CCND3: variants seen among roughly 807,000 people sequenced by gnomAD.
CCND3 encodes the protein cyclin D3, also known as G1/S-specific cyclin-D3.
A neutral mutation model predicts 28.7 loss-of-function variants in CCND3; 9 were observed. The ratio of observed to expected loss-of-function variants is 0.31; its 90% CI spans 0.19 to 0.55. The LOEUF is 0.55. Among genes scored for constraint, CCND3 ranks in the 20% least tolerant of loss-of-function variants. The pLI, the probability that CCND3 is intolerant of heterozygous loss-of-function variation, is 0.93. For missense variants in CCND3, 315 were observed against 385.8 expected, an observed-to-expected ratio of 0.82 and a Z score of 1.54; for synonymous variants, 164 against 163.9, an observed-to-expected ratio of 1.00 and a Z score of 0.00.
chr6:42,007,142 T>C (rs1325693664), intron 1 of CCND3, among the ~76,000 whole-genome samples: 2 of 152,194 alleles, frequency 1.3e-5, no homozygotes, highest in Non-Finnish European at 2.9e-5. Flanking sequence ...TTATATTCTT[T>C]TGTGTATATA....
chr6:42,033,374 C>T (rs1309875973), intron 1 of CCND3, among the ~76,000 whole-genome samples: 2 of 151,524 alleles, frequency 1.3e-5, no homozygotes, highest in Non-Finnish European at 2.9e-5. Flanking sequence ...CACTTGAACC[C>T]GGGAGGCAGA....
intron 1 of CCND3, among the ~76,000 whole-genome samples, chr6:41,947,215 C>T (rs1357621174): frequency 3.3e-5 from 5 of 149,760 alleles, no homozygotes; most frequent in East Asian, 1.9e-4. Context: ...AGCAAGACTC[C>T]GTCTCAAAAA....
At chr6:42,012,116 C>T (rs1763360014) in intron 1 of CCND3, among the ~76,000 whole-genome samples, 1 of 152,216 alleles carries the variant, frequency 6.6e-6, no homozygotes, top group Non-Finnish European at 1.5e-5. Flanking sequence ...GGAATCATTT[C>T]AGGTTAAACA....
intron 1 of CCND3, among the ~76,000 whole-genome samples, chr6:41,986,002 G>A (rs1432086044): frequency 2.0e-5 from 3 of 151,978 alleles, no homozygotes; most frequent in Middle Eastern, 3.2e-3. Context: ...ATGTGGATAT[G>A]CAGTTTTCCC....
chr6:41,979,038 G>C (rs946232914), intron 1 of CCND3, among the ~76,000 whole-genome samples: 1 of 151,862 alleles, frequency 6.6e-6, no homozygotes, highest in Non-Finnish European at 1.5e-5. Context: ...GGGTGTGGTA[G>C]TGCATGCCTG....
intron 1 of CCND3, among the ~76,000 whole-genome samples, chr6:41,995,283 A>C (rs1411383907): frequency 1.3e-5 from 2 of 151,838 alleles, no homozygotes; most frequent in South Asian, 4.2e-4. Context: ...GGTGGGGTGC[A>C]GTCTTGCTCT....
intron 1 of CCND3, among the ~76,000 whole-genome samples, chr6:41,948,480 C>T (rs934922155): frequency 2.0e-5 from 3 of 151,970 alleles, no homozygotes; most frequent in African/African-American, 7.3e-5. Context: ...GGACTATAGG[C>T]GTGCACTACC....
upstream of CCND3, chr6:41,941,941 T>G: frequency 5.7e-6 from 1 of 175,264 alleles, no homozygotes; most frequent in Non-Finnish European, 1.2e-5. The surrounding 1 kb of genome is among the most constrained non-coding windows in gnomAD (Gnocchi z 6.1). Context: ...CGCGGCCCCA[T>G]TGGGCCGCTG....
At chr6:42,008,283 T>C (rs900685314) in intron 1 of CCND3, among the ~76,000 whole-genome samples, 7 of 151,848 alleles carry the variant, frequency 4.6e-5, no homozygotes, top group African/African-American at 1.5e-4. Flanking sequence ...GAGGCTGAGG[T>C]AAGAGAATCA....
chr6:41,942,713 G>C (rs1776069973), upstream of CCND3, among the ~76,000 whole-genome samples: 1 of 152,006 alleles, frequency 6.6e-6, no homozygotes, highest in Non-Finnish European at 1.5e-5. Context: ...TGGTTACTTT[G>C]TAGTTTTACC....
intron 1 of CCND3, among the ~76,000 whole-genome samples, chr6:42,029,837 CAAAA>C (rs34732029): frequency 8.5e-6 from 1 of 118,204 alleles, no homozygotes; most frequent in Non-Finnish European, 1.7e-5. Flanking sequence ...AACTCTGTCT[CAAAA>C]AAAAAAAAAA....
At position 42,048,823 on chromosome 6, in the gene CCND3, C is replaced by A. The variant is rs528409228; in HGVS notation, c.-368G>T. ...CTGACTCTCCCACCCCCTGTACACC[C>A]TCGGCGAGGCCAGGAGGCTCATCCG... On this transcript the variant is annotated 5_prime_UTR_variant, in exon 1 of 5. Transcript: ENST00000372988. This position sits in a 1 kb window ranked among gnomAD's most constrained non-coding sequence, Gnocchi z 4.7. The A allele has an allele frequency of 3.3e-4, 122 of 369,654 alleles. No homozygotes were observed. Among genetic ancestry groups the A allele is most frequent in the African/African-American group, 2.7e-3 (120 of 45,108 alleles). The allele number at this position is 369,654 out of a possible 1,614,324, so 22.9% of individuals were successfully genotyped here.
chr6:42,041,057 A>T (rs1764358687), intron 1 of CCND3, among the ~76,000 whole-genome samples: 1 of 152,204 alleles, frequency 6.6e-6, no homozygotes, highest in Non-Finnish European at 1.5e-5. Flanking sequence ...TATCACCAAC[A>T]TCTTGAGTGC....
At chr6:41,985,106 C>T (rs1561973081) in intron 1 of CCND3, among the ~76,000 whole-genome samples, 2 of 152,032 alleles carry the variant, frequency 1.3e-5, no homozygotes, top group African/African-American at 2.4e-5. Context: ...TAGGTTGTCT[C>T]TTCACTCTGT....
chr6:41,967,931 T>C (rs889671279), intron 1 of CCND3, among the ~76,000 whole-genome samples: 2 of 152,230 alleles, frequency 1.3e-5, no homozygotes, highest in Non-Finnish European at 2.9e-5. Context: ...TTCTAAATGC[T>C]TCAAATGTTT....
At chr6:41,959,881 A>G (rs1168061353) in intron 1 of CCND3, among the ~76,000 whole-genome samples, 3 of 149,790 alleles carry the variant, frequency 2.0e-5, no homozygotes, top group African/African-American at 7.4e-5. Context: ...GCTTGAACCT[A>G]GGAGGCAGAG....
chr6:41,943,215 A>T (rs1323510290), upstream of CCND3, among the ~76,000 whole-genome samples: 8 of 152,174 alleles, frequency 5.3e-5, no homozygotes, highest in Admixed American at 5.2e-4. Flanking sequence ...ATCATAAAAT[A>T]TTCTTTTACA....
chr6:41,954,288 C>T (rs1208464222), intron 1 of CCND3, among the ~76,000 whole-genome samples: 2 of 89,524 alleles, frequency 2.2e-5, no homozygotes, highest in African/African-American at 4.2e-5. Context: ...TGTGGTGGCT[C>T]ATACCTGTAA....
At chr6:41,997,966 C>CCCAG (rs1420514819) in intron 1 of CCND3, among the ~76,000 whole-genome samples, 1 of 123,640 alleles carries the variant, frequency 8.1e-6, no homozygotes, top group African/African-American at 3.1e-5. Flanking sequence ...CATGGCAAAA[C>CCCAG]CCAGTATCTA....
Sources: allele counts gnomAD v4.1 joint callset (sites outside exome capture counted in the v4.1 genomes callset), GRCh38; gene constraint gnomAD v4.1.1; non-coding constraint Gnocchi (gnomAD v3.1); transcripts MANE v1.5; gene names NCBI Gene and HGNC (gene_info 2026-07-23, HGNC 2026-07-21).